BAZ1B: variants seen among roughly 807,000 people sequenced by gnomAD.
BAZ1B encodes the protein bromodomain adjacent to zinc finger domain 1B.
Under a neutral mutation model 153.8 loss-of-function variants are expected in BAZ1B, and 22 were observed. That is an observed-to-expected ratio of 0.14 (90% CI 0.10 to 0.20). BAZ1B has a LOEUF of 0.20. Ranked by LOEUF, BAZ1B falls within the 10% of genes least tolerant of loss-of-function variation. The probability of loss-of-function intolerance (pLI) is 1.00; values close to 1 mark genes in which losing one functional copy is unlikely to be tolerated. For missense variants in BAZ1B, 1,325 were observed against 1,799.3 expected (o/e 0.74, Z 4.77); for synonymous variants, 676 against 633.4 (o/e 1.07, Z -1.01).
chr7:73,489,215 G>A lies in BAZ1B; in HGVS notation c.870C>T (p.Asp290=), dbSNP rs782352276. 7.4e-6 allele frequency: 12 copies of A among 1,614,052 alleles called. No individual in the cohort carries two copies. Among genetic ancestry groups the A allele is most frequent in the Non-Finnish European group, 9.3e-6 (11 of 1,180,042 alleles). Residue 290 remains aspartate, a synonymous_variant, in exon 6 of 20, where the codon GAC becomes GAT. Transcript: ENST00000339594. ...KKYSLPSKFS[D]FLLDPYKYMT... ...TTACCTTGTATGGATCAAGTAAAAAGTCACTGAACTTGCTGGGCAGAGAGT... is the reference window on the plus strand; with the variant it reads ...TTACCTTGTATGGATCAAGTAAAAAATCACTGAACTTGCTGGGCAGAGAGT...
At chr7:73,448,162 G>C (rs536738491) in intron 15 of BAZ1B, among the ~76,000 whole-genome samples, 18 of 152,252 alleles carry the variant, frequency 1.2e-4, no homozygotes, top group African/African-American at 4.1e-4. Context: ...AAATGAGCTG[G>C]GTGTGGTGGC....
At chr7:73,509,185 G>T (rs1165278334) in intron 2 of BAZ1B, among the ~76,000 whole-genome samples, 1 of 151,788 alleles carries the variant, frequency 6.6e-6, no homozygotes, top group Admixed American at 6.6e-5. Flanking sequence ...AGCCGGGCGT[G>T]GTGGCACATG....
At chr7:73,498,454 C>T in intron 4 of BAZ1B, 43 bp downstream of exon 4, 1 of 1,559,036 alleles carries the variant, frequency 6.4e-7, no homozygotes, top group African/African-American at 1.4e-5. Context: ...ATAAAATAAA[C>T]AGGATCTCAT....
intron 13 of BAZ1B, among the ~76,000 whole-genome samples, chr7:73,453,677 T>C (rs1224411273): frequency 2.0e-5 from 3 of 152,234 alleles, no homozygotes; most frequent in Non-Finnish European, 4.4e-5. Context: ...CTAGGTGCTA[T>C]ACACAGTCAT....
chr7:73,521,571 C>G (rs916422662), intron 1 of BAZ1B, among the ~76,000 whole-genome samples: 3 of 152,148 alleles, frequency 2.0e-5, no homozygotes, highest in South Asian at 2.1e-4. Flanking sequence ...CGGCGAGGCC[C>G]CGGGACAAAG....
intron 1 of BAZ1B, among the ~76,000 whole-genome samples, chr7:73,515,531 C>T (rs571226824): frequency 1.8e-5 from 2 of 111,422 alleles, no homozygotes; most frequent in Non-Finnish European, 3.6e-5. Context: ...AGCCTTGTTC[C>T]TTTTTTTTTT....
rs1053390374 is a variant in BAZ1B at position 73,450,060 on chromosome 7, T to G, written c.3581-371A>C. ...GAGTGTTCTCTCTCTCTCTTTTTTT[T>G]TTTTGGAGACAGAGTCTTGCTCTGT... On this transcript the variant is annotated intron_variant, in intron 14 of 19. Coordinates refer to ENST00000339594, the MANE Select transcript of BAZ1B (RefSeq NM_032408.4). The surrounding 1 kb of genome is among the most constrained non-coding windows in gnomAD (Gnocchi z 4.1). Among the ~76,000 whole-genome samples, 5 of 152,176 alleles carry G rather than the reference T, an allele frequency of 3.3e-5. No individual in the cohort carries two copies. The highest frequency in any genetic ancestry group is 6.8e-3 in the Middle Eastern group (2 of 294).
At chr7:73,514,625 C>T (rs1790720597) in intron 1 of BAZ1B, among the ~76,000 whole-genome samples, 1 of 151,190 alleles carries the variant, frequency 6.6e-6, no homozygotes, top group African/African-American at 2.4e-5. Context: ...GCCTGGGCAA[C>T]ATAGCAAAAC....
At position 73,504,256 on chromosome 7, in the gene BAZ1B, T is replaced by C. The variant is rs148899758; in HGVS notation, c.369+4071A>G. Among the ~76,000 whole-genome samples, 384 of 152,318 alleles carry C rather than the reference T, an allele frequency of 2.5e-3. 2 individuals carry two copies. The highest frequency in any genetic ancestry group is 8.7e-3 in the African/African-American group (362 of 41,574). On this transcript the variant is annotated intron_variant, in intron 3 of 19. Transcript: ENST00000339594. ...ACTAATGGTCAGCCACAGTGATTCA[T>C]GCCTGTAATCTCAGCATTTTGCCAG...
At chr7:73,447,208 G>A (rs1382143311) in intron 16 of BAZ1B, 56 bp downstream of exon 16, 3 of 1,611,944 alleles carry the variant, frequency 1.9e-6, no homozygotes, top group Admixed American at 3.3e-5. Context: ...GCCTTTCCAA[G>A]CGTTCCAAGC....
chr7:73,452,412 T>C (rs188894799), intron 13 of BAZ1B, among the ~76,000 whole-genome samples: 1 of 152,152 alleles, frequency 6.6e-6, no homozygotes, highest in Non-Finnish European at 1.5e-5. Context: ...AACCTATGAC[T>C]TCACAATGGT....
intron 5 of BAZ1B, among the ~76,000 whole-genome samples, chr7:73,490,551 C>G (rs1480272780): frequency 6.6e-6 from 1 of 151,880 alleles, no homozygotes; most frequent in Non-Finnish European, 1.5e-5. Flanking sequence ...GAACAAAATA[C>G]TTATACTCAT....
chr7:73,502,773 G>C (rs1013718727), intron 3 of BAZ1B, among the ~76,000 whole-genome samples: 3 of 152,146 alleles, frequency 2.0e-5, no homozygotes, highest in Admixed American at 2.0e-4. Context: ...GCCAGACCCT[G>C]TCTCAAAAAA....
chr7:73,469,038 G>C lies in BAZ1B; in HGVS notation c.2866+479C>G, dbSNP rs556709411. Among the ~76,000 whole-genome samples, 33 of 151,740 alleles carry C rather than the reference G, an allele frequency of 2.2e-4. No individual in the cohort carries two copies. The South Asian group carries it at 6.9e-3, about 32-fold the overall frequency. ...CCAGCTACTCGGGAGACTGAAGTAG[G>C]AGAAGTGTTTGAACCCAGGAGGTGG... On this transcript the variant is annotated intron_variant, in intron 9 of 19. Transcript: ENST00000339594.
At chr7:73,497,708 GAAA>G (rs1789971352) in intron 4 of BAZ1B, among the ~76,000 whole-genome samples, 2 of 116,018 alleles carry the variant, frequency 1.7e-5, no homozygotes, top group Non-Finnish European at 3.8e-5. Context: ...ATAAAAAAAA[GAAA>G]AAGAAAAATT....
intron 4 of BAZ1B, among the ~76,000 whole-genome samples, chr7:73,497,081 A>AAAAAAAAAAAAAAAAAAAAAC (rs1242807439): frequency 7.3e-5 from 11 of 150,542 alleles, no homozygotes; most frequent in African/African-American, 2.5e-4. Flanking sequence ...AAAAAAAAAA[A>AAAAAAAAAAAAAAAAAAAAAC]AACCTACAAA....
intron 13 of BAZ1B, among the ~76,000 whole-genome samples, chr7:73,453,126 C>A (rs907598753): frequency 5.9e-5 from 9 of 152,210 alleles, no homozygotes; most frequent in African/African-American, 9.6e-5. Context: ...AAAACTTTGG[C>A]CCTTGCTAAG....
At chr7:73,481,405 T>C (rs1007588408) in intron 6 of BAZ1B, among the ~76,000 whole-genome samples, 6 of 150,360 alleles carry the variant, frequency 4.0e-5, no homozygotes, top group Non-Finnish European at 7.4e-5. Context: ...TAGTCCCAGC[T>C]ACTCGGGAGG....
At chr7:73,448,803 A>G (rs1554567348) in intron 15 of BAZ1B, among the ~76,000 whole-genome samples, 1 of 152,246 alleles carries the variant, frequency 6.6e-6, no homozygotes, top group East Asian at 1.9e-4. Flanking sequence ...TAAGAGTCTC[A>G]GAAGTGAGGC....
Sources: allele counts gnomAD v4.1 joint callset (sites outside exome capture counted in the v4.1 genomes callset), GRCh38; gene constraint gnomAD v4.1.1; non-coding constraint Gnocchi (gnomAD v3.1); transcripts MANE v1.5; gene names NCBI Gene and HGNC (gene_info 2026-07-23, HGNC 2026-07-21).